The following NDST4 variants were observed in gnomAD, a reference collection of about 807,000 sequenced individuals.
NDST4 encodes the protein N-heparan sulfate sulfotransferase 4.
A neutral mutation model predicts 100.8 loss-of-function variants in NDST4; 63 were observed. That is an observed-to-expected ratio of 0.62 (90% CI 0.51 to 0.77). NDST4 has a LOEUF of 0.77. Among genes scored for constraint, NDST4 ranks in the 30% least tolerant of loss-of-function variants. NDST4 has a pLI of 0.00. For synonymous variants in NDST4, 377 were observed against 361.8 expected (o/e 1.04, Z -0.48); for missense variants, 943 against 1,018.4 (o/e 0.93, Z 1.01).
At chr4:114,839,593 C>T in intron 10 of NDST4, 45 bp from the exon 11 acceptor site, 1 of 1,587,612 alleles carries the variant, frequency 6.3e-7, no homozygotes, top group Non-Finnish European at 8.6e-7. Context: ...TTTTTAATGC[C>T]TGTGTAGATA....
At chr4:115,081,961 C>G (rs1390261476) in intron 1 of NDST4, among the ~76,000 whole-genome samples, 1 of 152,146 alleles carries the variant, frequency 6.6e-6, no homozygotes, top group East Asian at 1.9e-4. Context: ...TCTTCTTAAT[C>G]TGACTTTCCA....
At chr4:114,835,134 A>G (rs1723282463) in intron 11 of NDST4, among the ~76,000 whole-genome samples, 1 of 151,830 alleles carries the variant, frequency 6.6e-6, no homozygotes, top group African/African-American at 2.4e-5. Context: ...TAATTTTCTA[A>G]TTTTAGTTAT....
At chr4:114,931,106 A>G (rs1413929713) in intron 6 of NDST4, among the ~76,000 whole-genome samples, 1 of 152,028 alleles carries the variant, frequency 6.6e-6, no homozygotes, top group Non-Finnish European at 1.5e-5. Flanking sequence ...TGGGCCTAAT[A>G]GGCTCCTCTG....
chr4:114,993,476 C>T (rs528690503), intron 2 of NDST4, among the ~76,000 whole-genome samples: 3 of 152,026 alleles, frequency 2.0e-5, no homozygotes, highest in African/African-American at 7.2e-5. Flanking sequence ...GAAAGTGGCT[C>T]ACTCAGCATT....
chr4:114,925,074 T>G (rs1244815737), intron 6 of NDST4, among the ~76,000 whole-genome samples: 1 of 152,160 alleles, frequency 6.6e-6, no homozygotes, highest in African/African-American at 2.4e-5. Flanking sequence ...TATTATTTTA[T>G]GAAGATGAAT....
chr4:114,891,658 TC>T (rs1363120626), intron 6 of NDST4, among the ~76,000 whole-genome samples: 1 of 152,096 alleles, frequency 6.6e-6, no homozygotes, highest in East Asian at 1.9e-4. Context: ...GGTCTCAACT[TC>T]CATCTTTGTT....
intron 6 of NDST4, among the ~76,000 whole-genome samples, chr4:114,896,035 A>G (rs1724706129): frequency 6.6e-6 from 1 of 152,222 alleles, no homozygotes; most frequent in African/African-American, 2.4e-5. Context: ...TAAAGCCTAA[A>G]GAATGTGATT....
At chr4:114,984,288 C>T (rs1362210680) in intron 2 of NDST4, among the ~76,000 whole-genome samples, 2 of 152,014 alleles carry the variant, frequency 1.3e-5, no homozygotes, top group Non-Finnish European at 2.9e-5. Flanking sequence ...AACTGATTCT[C>T]CTGCCTCAGC....
intron 10 of NDST4, among the ~76,000 whole-genome samples, chr4:114,841,035 T>C (rs1723412873): frequency 6.6e-6 from 1 of 152,196 alleles, no homozygotes; most frequent in African/African-American, 2.4e-5. Flanking sequence ...CAATGAAGAA[T>C]AAGAAACACA....
intron 8 of NDST4, among the ~76,000 whole-genome samples, chr4:114,851,752 T>C (rs1256165798): frequency 6.6e-6 from 1 of 152,206 alleles, no homozygotes. Flanking sequence ...TGTGTTGCTC[T>C]TTCCCCTCCC....
rs1725604784 is a variant in NDST4 at position 114,935,325 on chromosome 4, G to A, written c.1417C>T (p.Arg473Ter). Reference sequence around the variant, plus strand: ...TGAGTGAACAACCCACAAGTCTGTCGAGGGAGGACCTGAGTAAAAAAGGGG... The same window carrying A: ...TGAGTGAACAACCCACAAGTCTGTCAAGGGAGGACCTGAGTAAAAAAGGGG... ...FIHNSIMVLP[R>*]QTCGLFTHTI... Residue 473 changes from arginine (R) to a stop codon, truncating the protein, a stop_gained, in exon 6 of 14, where the codon CGA (arginine) becomes TGA (stop). Coordinates refer to ENST00000264363, the MANE Select transcript of NDST4 (RefSeq NM_022569.3). LOFTEE classifies it high-confidence loss of function. 1.9e-6 allele frequency: 3 copies of A among 1,600,480 alleles called. No homozygotes were observed. Among genetic ancestry groups the A allele is most frequent in the Admixed American group, 1.7e-5 (1 of 57,700 alleles).
chr4:114,876,675 C>T (rs1032976908), intron 6 of NDST4, among the ~76,000 whole-genome samples: 1 of 152,094 alleles, frequency 6.6e-6, no homozygotes, highest in Non-Finnish European at 1.5e-5. Context: ...TTTGTCCAAA[C>T]CTAATATAAC....
At chr4:115,077,400 G>A (rs1729211987) in intron 1 of NDST4, 118 bp from the exon 2 acceptor site, 3 of 157,796 alleles carry the variant, frequency 1.9e-5, no homozygotes, top group Admixed American at 1.9e-4. Context: ...GTGTTAATAT[G>A]CTAAAATATT....
At chr4:114,982,954 G>A (rs369625798) in intron 2 of NDST4, among the ~76,000 whole-genome samples, 2 of 152,308 alleles carry the variant, frequency 1.3e-5, no homozygotes, top group African/African-American at 4.8e-5. Context: ...CTCACGTTGT[G>A]GCTTCAGAGG....
intron 6 of NDST4, among the ~76,000 whole-genome samples, chr4:114,917,887 G>A (rs1289048733): frequency 6.6e-6 from 1 of 152,100 alleles, no homozygotes; most frequent in African/African-American, 2.4e-5. Context: ...TTAATGCATA[G>A]AAAGCATTTG....
At chr4:114,882,646 T>C (rs1246671522) in intron 6 of NDST4, among the ~76,000 whole-genome samples, 1 of 152,146 alleles carries the variant, frequency 6.6e-6, no homozygotes, top group East Asian at 1.9e-4. Flanking sequence ...TCAAAAGTTG[T>C]AATATATCTG....
chr4:114,906,162 T>C (rs1578379743), intron 6 of NDST4, among the ~76,000 whole-genome samples: 1 of 151,916 alleles, frequency 6.6e-6, no homozygotes, highest in Non-Finnish European at 1.5e-5. Flanking sequence ...TAGACTGATA[T>C]TTTGCCTCAT....
chr4:114,932,658 A>C (rs114591906), intron 6 of NDST4, among the ~76,000 whole-genome samples: 1,804 of 152,112 alleles, frequency 0.012, 38 homozygotes, highest in African/African-American at 0.041. Context: ...AGTATATGAA[A>C]TCAATGTACA....
chr4:114,900,240 A>G (rs1043913719), intron 6 of NDST4, among the ~76,000 whole-genome samples: 2 of 151,756 alleles, frequency 1.3e-5, no homozygotes, highest in Admixed American at 1.3e-4. Context: ...CAGCGTAACT[A>G]TAGGCGTATT....
Sources: allele counts gnomAD v4.1 joint callset (sites outside exome capture counted in the v4.1 genomes callset), GRCh38; gene constraint gnomAD v4.1.1; transcripts MANE v1.5; gene names NCBI Gene and HGNC (gene_info 2026-07-23, HGNC 2026-07-21).